HDAC4: variants seen among roughly 807,000 people sequenced by gnomAD.
HDAC4 encodes the protein histone deacetylase 4, also known as histone deacetylase A.
A neutral mutation model predicts 135.1 loss-of-function variants in HDAC4; 16 were observed. That is an observed-to-expected ratio of 0.12 (90% confidence interval 0.08 to 0.18). HDAC4 has a LOEUF of 0.18. Among genes scored for constraint, HDAC4 ranks in the 10% least tolerant of loss-of-function variants. HDAC4 has a pLI of 1.00. For missense variants in HDAC4, 1,143 were observed against 1,511.8 expected, an observed-to-expected ratio of 0.76 and a Z score of 4.05; for synonymous variants, 685 against 653.4, an observed-to-expected ratio of 1.05 and a Z score of -0.74.
chr2:239,126,796 C>G, intron 11 of HDAC4, 102 bp from the exon 12 acceptor site: 1 of 1,300,194 alleles, frequency 7.7e-7, no homozygotes, highest in Non-Finnish European at 1.1e-6. Context: ...GCCCTGTGCC[C>G]GCCAGCCCAG....
intron 1 of HDAC4, among the ~76,000 whole-genome samples, chr2:239,363,982 T>G (rs1315147808): frequency 6.6e-6 from 1 of 152,190 alleles, no homozygotes; most frequent in Admixed American, 6.5e-5. Flanking sequence ...TGCGCATGTG[T>G]GACTGCAGGG....
At chr2:239,266,668 C>T (rs1406214509) in intron 2 of HDAC4, among the ~76,000 whole-genome samples, 1 of 152,212 alleles carries the variant, frequency 6.6e-6, no homozygotes, top group Non-Finnish European at 1.5e-5. Context: ...TCACATCCCA[C>T]CCTCTCTCCC....
At chr2:239,094,976 C>T in intron 17 of HDAC4, 34 bp downstream of exon 17, 2 of 1,613,780 alleles carry the variant, frequency 1.2e-6, no homozygotes, top group Non-Finnish European at 8.5e-7. Context: ...CGAGAAGAAA[C>T]AGGACATTAT....
At chr2:239,082,639 T>C (rs960413581) in intron 20 of HDAC4, among the ~76,000 whole-genome samples, 1 of 152,248 alleles carries the variant, frequency 6.6e-6, no homozygotes, top group Non-Finnish European at 1.5e-5. Context: ...TCACTGGCTG[T>C]GGCCTGCCCG....
intron 1 of HDAC4, among the ~76,000 whole-genome samples, chr2:239,371,727 C>G (rs1366818124): frequency 6.6e-6 from 1 of 152,184 alleles, no homozygotes. Flanking sequence ...GCCGCACAAG[C>G]AGGATGGAGA....
In HDAC4 at chr2:239,277,951, C is replaced by T. The variant is rs1284883559; in HGVS notation, c.23-41287G>A. Reference sequence around the variant, plus strand: ...TCCAGCCACACACGCCAGCCACACACTCGGCTCCCCGTCTCTCCTGAGCAG... The same window carrying T: ...TCCAGCCACACACGCCAGCCACACATTCGGCTCCCCGTCTCTCCTGAGCAG... On this transcript the variant is annotated intron_variant, in intron 2 of 26. Coordinates refer to ENST00000543185, the MANE Select transcript of HDAC4 (RefSeq NM_001378414.1). Among the ~76,000 whole-genome samples, 4 of 115,684 alleles carry T rather than the reference C, an allele frequency of 3.5e-5. 1 individual carries two copies. In the Middle Eastern group the frequency reaches 0.014, roughly 391 times the overall value. The allele number at this position is 115,684 out of a possible 152,430, so 75.9% of individuals were successfully genotyped here.
intron 3 of HDAC4, 132 bp from the exon 4 acceptor site, chr2:239,190,209 C>G (rs1178053908): frequency 8.3e-7 from 1 of 1,198,074 alleles, no homozygotes. Flanking sequence ...GGATTGGATA[C>G]CCCTCTCCCC....
At chr2:239,246,926 G>T (rs557737815) in intron 2 of HDAC4, among the ~76,000 whole-genome samples, 1 of 152,278 alleles carries the variant, frequency 6.6e-6, no homozygotes, top group African/African-American at 2.4e-5. Flanking sequence ...CTGGGAGCGT[G>T]CGAGGAGGAT....
intron 3 of HDAC4, among the ~76,000 whole-genome samples, chr2:239,198,187 C>T (rs984640162): frequency 8.5e-5 from 13 of 152,176 alleles, no homozygotes; most frequent in Admixed American, 2.6e-4. Context: ...TTGCTCTCCA[C>T]CGTCCCTGCA....
intron 3 of HDAC4, among the ~76,000 whole-genome samples, chr2:239,224,349 C>T (rs2153137509): frequency 6.6e-6 from 1 of 152,350 alleles, no homozygotes; most frequent in Middle Eastern, 3.4e-3. Flanking sequence ...TCCCACGTGG[C>T]CACTGCATTC....
At chr2:239,316,778 A>C (rs2053130545) in intron 2 of HDAC4, among the ~76,000 whole-genome samples, 1 of 152,200 alleles carries the variant, frequency 6.6e-6, no homozygotes, top group African/African-American at 2.4e-5. Context: ...CACCCAGGAA[A>C]GAAAGGGTAG....
intron 2 of HDAC4, among the ~76,000 whole-genome samples, chr2:239,326,513 T>G (rs775033351): frequency 3.3e-5 from 5 of 152,166 alleles, no homozygotes; most frequent in Non-Finnish European, 5.9e-5. Context: ...AATTATAAAT[T>G]TATGTTATGT....
intron 24 of HDAC4, among the ~76,000 whole-genome samples, chr2:239,058,916 C>G (rs886431510): frequency 6.6e-6 from 1 of 152,194 alleles, no homozygotes; most frequent in Non-Finnish European, 1.5e-5. Context: ...GACACATTAT[C>G]CCAAACACAT....
chr2:239,172,722 A>C (rs1307158338), intron 5 of HDAC4, among the ~76,000 whole-genome samples: 2 of 152,166 alleles, frequency 1.3e-5, no homozygotes, highest in Non-Finnish European at 2.9e-5. Flanking sequence ...AGAATAACTG[A>C]TAAACTTCTG....
At chr2:239,055,037 A>G in intron 24 of HDAC4, 1 of 502,414 alleles carries the variant, frequency 2.0e-6, no homozygotes, top group East Asian at 3.6e-5. Context: ...TTTTTTTAGG[A>G]CGCTATAAGA....
Position 239,134,297 on chromosome 2 carries a change from C to T in HDAC4, c.1242G>A (p.Leu414=). The change falls in exon 11 of 27, where the codon CTG becomes CTA. Residue 414 remains leucine, a synonymous_variant. Coordinates refer to ENST00000543185, the MANE Select transcript of HDAC4 (RefSeq NM_001378414.1). ...RDGGAAHSPL[L]QHMVLLEQPP... ...GCTGCTCCAGTAAGACCATGTGCTG[C>T]AGAAGAGGGCTGTGCGCTGCCCCTC... 2 of 1,613,536 alleles carry T rather than the reference C, an allele frequency of 1.2e-6. No homozygotes were observed. Among genetic ancestry groups the T allele is most frequent in the Non-Finnish European group, 1.7e-6 (2 of 1,180,018 alleles).
intron 1 of HDAC4, among the ~76,000 whole-genome samples, chr2:239,358,797 C>T (rs962192606): frequency 1.3e-5 from 2 of 152,098 alleles, no homozygotes; most frequent in Non-Finnish European, 2.9e-5. Flanking sequence ...TGTTTAATTC[C>T]GGTACACACA....
chr2:239,193,063 G>T (rs115408880), intron 3 of HDAC4, among the ~76,000 whole-genome samples: 1,664 of 152,332 alleles, frequency 0.011, 13 homozygotes, highest in Non-Finnish European at 0.018. Flanking sequence ...TAACTGCACA[G>T]CGTTGCATCT....
rs529742449 is a variant in HDAC4, at chr2:239,302,903, T to C, written c.22+49775A>G. Among the ~76,000 whole-genome samples the C allele has an allele frequency of 5.7e-4, 87 of 152,316 alleles. 1 individual carries two copies. The highest frequency in any genetic ancestry group is 1.1e-3 in the Non-Finnish European group (72 of 68,016). On this transcript the variant is annotated intron_variant, in intron 2 of 26. Coordinates refer to ENST00000543185, the MANE Select transcript of HDAC4 (RefSeq NM_001378414.1). ...CTTGCTGGGCGTGCGGGGAATGGCA[T>C]TGTGGTGACAGCCCCAAGCAGGGGG... is the stretch of plus-strand genomic sequence containing the variant.
Sources: allele counts gnomAD v4.1 joint callset (sites outside exome capture counted in the v4.1 genomes callset), GRCh38; gene constraint gnomAD v4.1.1; transcripts MANE v1.5; gene names NCBI Gene and HGNC (gene_info 2026-07-23, HGNC 2026-07-21).